KIAA1217: variants seen among roughly 807,000 people sequenced by gnomAD.
KIAA1217 encodes sickle tail protein homolog.
In KIAA1217, 88 loss-of-function variants were observed where a neutral mutation model predicts 163.9. The ratio of observed to expected loss-of-function variants is 0.54; its 90% CI spans 0.45 to 0.64. The LOEUF is 0.64. KIAA1217 is among the 30% of genes least tolerant of loss of function. The pLI is 0.00. For missense variants in KIAA1217, 2,372 were observed against 2,475.0 expected, an observed-to-expected ratio of 0.96 and a Z score of 0.88; for synonymous variants, 903 against 923.1, an observed-to-expected ratio of 0.98 and a Z score of 0.39.
At chr10:24,525,741 C>T (rs559409663) in intron 13 of KIAA1217, among the ~76,000 whole-genome samples, 1 of 152,312 alleles carries the variant, frequency 6.6e-6, no homozygotes, top group East Asian at 1.9e-4. Flanking sequence ...GTAATACCAG[C>T]ACTTTGGGAG....
intron 1 of KIAA1217, among the ~76,000 whole-genome samples, chr10:23,848,623 T>C (rs1245061813): frequency 6.6e-6 from 1 of 152,078 alleles, no homozygotes; most frequent in Non-Finnish European, 1.5e-5. Flanking sequence ...TTTTTGTGAA[T>C]GGCACCATCA....
At chr10:24,046,865 G>A (rs1249751658) in intron 2 of KIAA1217, among the ~76,000 whole-genome samples, 1 of 152,106 alleles carries the variant, frequency 6.6e-6, no homozygotes, top group African/African-American at 2.4e-5. Context: ...TCACCGTGAT[G>A]CTAGACCACC....
intron 1 of KIAA1217, among the ~76,000 whole-genome samples, chr10:23,952,978 C>G (rs1454352852): frequency 6.6e-6 from 1 of 152,146 alleles, no homozygotes; most frequent in Non-Finnish European, 1.5e-5. Flanking sequence ...AGAACAACAC[C>G]AAATGCAGGA....
intron 1 of KIAA1217, among the ~76,000 whole-genome samples, chr10:23,915,742 G>T (rs1057188822): frequency 1.3e-5 from 2 of 152,198 alleles, no homozygotes; most frequent in Admixed American, 6.5e-5. Context: ...GGCAGAGAAA[G>T]GTGCAAGACT....
At chr10:24,155,396 T>A (rs1352316749) in intron 2 of KIAA1217, among the ~76,000 whole-genome samples, 1 of 152,204 alleles carries the variant, frequency 6.6e-6, no homozygotes, top group Non-Finnish European at 1.5e-5. Context: ...AAGTTCCACA[T>A]ATTCATATTA....
At chr10:23,789,805 T>G (rs906345088) in intron 1 of KIAA1217, among the ~76,000 whole-genome samples, 1 of 151,614 alleles carries the variant, frequency 6.6e-6, no homozygotes, top group Non-Finnish European at 1.5e-5. Context: ...AAGCTGTCAG[T>G]GCATGGTCAT....
chr10:24,096,459 C>A (rs1304381345), intron 2 of KIAA1217, among the ~76,000 whole-genome samples: 1 of 152,158 alleles, frequency 6.6e-6, no homozygotes, highest in Non-Finnish European at 1.5e-5. Flanking sequence ...CTGGGATAAT[C>A]TTTTTGAAAC....
chr10:23,747,543 G>A (rs1839477723), intron 1 of KIAA1217, among the ~76,000 whole-genome samples: 1 of 152,268 alleles, frequency 6.6e-6, no homozygotes, highest in Admixed American at 6.5e-5. Flanking sequence ...GTCAAGAAGG[G>A]AATGACTATC....
At chr10:24,164,015 A>G (rs2065233511) in intron 2 of KIAA1217, among the ~76,000 whole-genome samples, 1 of 152,206 alleles carries the variant, frequency 6.6e-6, no homozygotes, top group African/African-American at 2.4e-5. Flanking sequence ...AATTAGTTTA[A>G]TTAAATAAAA....
At chr10:23,815,537 A>G (rs1034486923) in intron 1 of KIAA1217, among the ~76,000 whole-genome samples, 32 of 152,226 alleles carry the variant, frequency 2.1e-4, no homozygotes, top group Non-Finnish European at 3.8e-4. Context: ...CCAGCTACTC[A>G]GGAGGCTGAG....
chr10:24,432,409 A>C (rs10828652), intron 3 of KIAA1217, among the ~76,000 whole-genome samples: 90,460 of 151,240 alleles, frequency 0.6, 28,452 homozygotes, highest in African/African-American at 0.81. Flanking sequence ...TGAGTTACCG[A>C]GCCTGGCCAA....
chr10:24,217,937 T>C (rs374603216), intron 1 of KIAA1217, among the ~76,000 whole-genome samples: 1 of 152,216 alleles, frequency 6.6e-6, no homozygotes, highest in African/African-American at 2.4e-5. Context: ...ATGAAGAGAA[T>C]GACACTGAGA....
chr10:23,782,454 C>A (rs1835300573), intron 1 of KIAA1217, among the ~76,000 whole-genome samples: 1 of 152,132 alleles, frequency 6.6e-6, no homozygotes, highest in African/African-American at 2.4e-5. Context: ...TATTTAGAGA[C>A]AGAGTCTAGT....
chr10:24,219,259 G>A (rs551414249), intron 1 of KIAA1217, among the ~76,000 whole-genome samples: 28 of 152,062 alleles, frequency 1.8e-4, no homozygotes, highest in Non-Finnish European at 3.4e-4. Flanking sequence ...GACCACAGGC[G>A]TGCACCACTA....
intron 6 of KIAA1217, among the ~76,000 whole-genome samples, chr10:24,480,412 AGTT>A (rs911053896): frequency 6.6e-6 from 1 of 152,224 alleles, no homozygotes; most frequent in African/African-American, 2.4e-5. Context: ...CTCATCAACC[AGTT>A]GTTCAGAGGC....
At chr10:23,811,307 A>T (rs1837039061) in intron 1 of KIAA1217, among the ~76,000 whole-genome samples, 1 of 147,048 alleles carries the variant, frequency 6.8e-6, no homozygotes, top group Non-Finnish European at 1.5e-5. Context: ...GTATGTGTAT[A>T]TATTATATAT....
chr10:24,010,208 C>CA (rs59990523), intron 2 of KIAA1217, among the ~76,000 whole-genome samples: 1,980 of 140,388 alleles, frequency 0.014, 36 homozygotes, highest in African/African-American at 0.039. Context: ...GGGTAAAATG[C>CA]AAAAAAAAAA....
chr10:24,500,184 AGTGTGTGTGTGTGTGT>A (rs57872451), intron 8 of KIAA1217, among the ~76,000 whole-genome samples: 2 of 143,156 alleles, frequency 1.4e-5, no homozygotes, highest in African/African-American at 5.2e-5. Context: ...ACTGAACAGA[AGTGTGTGTGTGTGTGT>A]GTGTGTGTGT....
upstream of KIAA1217, among the ~76,000 whole-genome samples, chr10:24,204,639 T>G (rs1490198369): frequency 6.6e-6 from 1 of 151,718 alleles, no homozygotes; most frequent in Non-Finnish European, 1.5e-5. Context: ...GGGACAGTCG[T>G]GGTGTCTTAT....
Sources: allele counts gnomAD v4.1 joint callset (sites outside exome capture counted in the v4.1 genomes callset), GRCh38; gene constraint gnomAD v4.1.1; transcripts MANE v1.5; gene names NCBI Gene and HGNC (gene_info 2026-07-23, HGNC 2026-07-21).